Variants in TAFA1 observed in about 807,000 individuals in gnomAD.
TAFA1 encodes TAFA chemokine like family member 1, also known as chemokine-like protein TAFA-1.
Under a neutral mutation model 18.5 loss-of-function variants are expected in TAFA1, and 4 were observed. The observed-to-expected ratio is 0.22, with a 90% CI of 0.11 to 0.49. The LOEUF (loss-of-function observed/expected upper bound fraction) is 0.49. Ranked by LOEUF, TAFA1 falls within the 20% of genes least tolerant of loss-of-function variation. The pLI is 0.98. For synonymous variants in TAFA1, 56 were observed against 55.2 expected (o/e 1.01, Z -0.06); for missense variants, 147 against 169.0 (o/e 0.87, Z 0.72).
intron 2 of TAFA1, among the ~76,000 whole-genome samples, chr3:68,251,938 C>T (rs2067204479): frequency 6.6e-6 from 1 of 152,190 alleles, no homozygotes; most frequent in African/African-American, 2.4e-5. Context: ...GTGGGAAGCC[C>T]CATCATCGGG....
intron 2 of TAFA1, among the ~76,000 whole-genome samples, chr3:68,046,743 C>A (rs2064391324): frequency 6.6e-6 from 1 of 152,100 alleles, no homozygotes; most frequent in Non-Finnish European, 1.5e-5. Flanking sequence ...TAAGTAACTT[C>A]TTTGGCTAGA....
chr3:68,499,444 T>TTC (rs1212914404), intron 3 of TAFA1, among the ~76,000 whole-genome samples: 4 of 65,188 alleles, frequency 6.1e-5, no homozygotes, highest in Admixed American at 3.0e-4. Flanking sequence ...CTGTGTTCCT[T>TTC]TCTTTTTTTT....
At position 68,370,492 on chromosome 3, in the gene TAFA1, A is replaced by G. The variant is rs796977725; in HGVS notation, c.119-46788A>G. On this transcript the variant is annotated intron_variant, in intron 2 of 4. Coordinates refer to ENST00000478136, the MANE Select transcript of TAFA1 (RefSeq NM_213609.4). The stretch of plus-strand genomic sequence containing the variant: ...TGTGTGTATATATATATATATATAT[A>G]TATATATATATATATATATATATAC... 7.0e-4 allele frequency among the ~76,000 whole-genome samples: 60 copies of G among 85,258 alleles called. 1 individual carries two copies. The highest frequency in any genetic ancestry group is 2.7e-3 in the South Asian group (7 of 2,588). The allele number at this position is 85,258 out of a possible 152,430, so 55.9% of individuals were successfully genotyped here.
intron 2 of TAFA1, among the ~76,000 whole-genome samples, chr3:68,315,552 C>T (rs12639498): frequency 0.11 from 16,469 of 152,186 alleles, 1,273 homozygotes; most frequent in East Asian, 0.36. Context: ...CTTTAAAAAT[C>T]AAAAATGTCA....
At chr3:68,007,660 A>C (rs1575570448) in intron 2 of TAFA1, among the ~76,000 whole-genome samples, 1 of 117,496 alleles carries the variant, frequency 8.5e-6, no homozygotes, top group Non-Finnish European at 1.7e-5. Flanking sequence ...GGCTCTGGGG[A>C]CCAGTTGCGC....
intron 2 of TAFA1, among the ~76,000 whole-genome samples, chr3:68,404,207 G>A (rs1480974253): frequency 6.6e-6 from 1 of 152,152 alleles, no homozygotes; most frequent in Non-Finnish European, 1.5e-5. Flanking sequence ...GGAAGCAGTT[G>A]AAACCCAGTC....
At chr3:68,442,641 A>C (rs1484237120) in intron 3 of TAFA1, among the ~76,000 whole-genome samples, 1 of 152,154 alleles carries the variant, frequency 6.6e-6, no homozygotes, top group Non-Finnish European at 1.5e-5. Context: ...CAGGGAGGAA[A>C]GGGAGGAGAA....
At chr3:68,362,151 A>G (rs1221132775) in intron 2 of TAFA1, among the ~76,000 whole-genome samples, 3 of 152,132 alleles carry the variant, frequency 2.0e-5, no homozygotes, top group South Asian at 2.1e-4. Context: ...AATTTATAAC[A>G]TACCTATTAT....
chr3:68,122,814 G>A (rs1355537102), intron 2 of TAFA1, among the ~76,000 whole-genome samples: 13 of 151,456 alleles, frequency 8.6e-5, no homozygotes, highest in Non-Finnish European at 1.9e-4. Context: ...ATATATGTGT[G>A]TGTGTGTATG....
At chr3:68,107,846 T>A (rs1183916470) in intron 2 of TAFA1, among the ~76,000 whole-genome samples, 3 of 152,140 alleles carry the variant, frequency 2.0e-5, no homozygotes, top group Non-Finnish European at 4.4e-5. Context: ...TAATTTAATG[T>A]CTATTCCAAT....
intron 2 of TAFA1, among the ~76,000 whole-genome samples, chr3:68,286,321 G>A (rs1428622765): frequency 2.6e-5 from 4 of 152,102 alleles, no homozygotes; most frequent in Admixed American, 6.5e-5. Flanking sequence ...ATGAGTCTAC[G>A]TTAGTCCACG....
At chr3:68,472,155 T>C (rs2072008123) in intron 3 of TAFA1, among the ~76,000 whole-genome samples, 1 of 152,140 alleles carries the variant, frequency 6.6e-6, no homozygotes, top group African/African-American at 2.4e-5. Context: ...AATCCCCACA[T>C]GTCAAGGGTG....
chr3:68,045,235 A>G (rs1024501313), intron 2 of TAFA1, among the ~76,000 whole-genome samples: 40 of 152,196 alleles, frequency 2.6e-4, no homozygotes, highest in African/African-American at 9.4e-4. Context: ...GAAAAATAAT[A>G]CAAGAGACCT....
chr3:68,061,253 G>A (rs990678216), intron 2 of TAFA1, among the ~76,000 whole-genome samples: 1 of 152,262 alleles, frequency 6.6e-6, no homozygotes. Context: ...TAAGTGTCAG[G>A]TTGAGAGTTG....
At chr3:68,429,205 C>T (rs1356463736) in intron 3 of TAFA1, among the ~76,000 whole-genome samples, 9 of 151,876 alleles carry the variant, frequency 5.9e-5, no homozygotes, top group Non-Finnish European at 1.3e-4. Context: ...GTCCATGTCA[C>T]CTGGCAATGA....
At chr3:68,249,255 T>A (rs1463189171) in intron 2 of TAFA1, among the ~76,000 whole-genome samples, 1 of 152,172 alleles carries the variant, frequency 6.6e-6, no homozygotes, top group South Asian at 2.1e-4. Flanking sequence ...TCTCCCCTAG[T>A]CCCTGACTCT....
chr3:68,235,098 T>G (rs1465618627), intron 2 of TAFA1, among the ~76,000 whole-genome samples: 1 of 152,136 alleles, frequency 6.6e-6, no homozygotes, highest in Non-Finnish European at 1.5e-5. Context: ...CATTTTCACC[T>G]CAGTTCAAGG....
intron 3 of TAFA1, among the ~76,000 whole-genome samples, chr3:68,519,942 A>G (rs1484626424): frequency 2.0e-5 from 3 of 152,222 alleles, no homozygotes; most frequent in South Asian, 2.1e-4. Flanking sequence ...TTGAGGGGGA[A>G]TGTTGTTGAA....
At chr3:68,093,417 A>G (rs1027134922) in intron 2 of TAFA1, among the ~76,000 whole-genome samples, 1 of 152,118 alleles carries the variant, frequency 6.6e-6, no homozygotes, top group African/African-American at 2.4e-5. Context: ...GGAAGACCTT[A>G]AAAACTTCCC....
Sources: allele counts gnomAD v4.1 joint callset (sites outside exome capture counted in the v4.1 genomes callset), GRCh38; gene constraint gnomAD v4.1.1; transcripts MANE v1.5; gene names NCBI Gene and HGNC (gene_info 2026-07-23, HGNC 2026-07-21).